CAMK1D: variants seen among roughly 807,000 people sequenced by gnomAD.
CAMK1D encodes calcium/calmodulin dependent protein kinase ID, also known as calcium/calmodulin-dependent protein kinase type 1D.
Under a neutral mutation model 47.7 loss-of-function variants are expected in CAMK1D, and 9 were observed. The observed-to-expected ratio is 0.19, with a 90% CI of 0.11 to 0.33. The LOEUF (loss-of-function observed/expected upper bound fraction) is 0.33. CAMK1D is among the 10% of genes least tolerant of loss of function. The pLI is 1.00. For missense variants in CAMK1D, 291 were observed against 488.7 expected (o/e 0.60, Z 3.81); for synonymous variants, 184 against 184.9 (o/e 0.99, Z 0.04).
chr10:12,487,673 C>G (rs1483345152), intron 1 of CAMK1D, among the ~76,000 whole-genome samples: 1 of 152,350 alleles, frequency 6.6e-6, no homozygotes, highest in African/African-American at 2.4e-5. Flanking sequence ...GGAATCACTT[C>G]TTGTGGATCC....
chr10:12,665,870 C>T (rs1426156226), intron 2 of CAMK1D, among the ~76,000 whole-genome samples: 1 of 152,258 alleles, frequency 6.6e-6, no homozygotes, highest in East Asian at 1.9e-4. Flanking sequence ...CCTGCTGACG[C>T]AGGGCCTGCA....
At chr10:12,827,472 GTCTTTCTT>G (rs1244927320) in intron 10 of CAMK1D, among the ~76,000 whole-genome samples, 245 of 5,096 alleles carry the variant, frequency 0.048, 70 homozygotes, top group Admixed American at 0.078. Context: ...TTGTCTGTCT[GTCTTTCTT>G]TCTTTCTTTC....
At position 12,541,087 on chromosome 10, in the gene CAMK1D, A is replaced by G. The variant is rs1171061171; in HGVS notation, c.93-12138A>G. 2.6e-5 allele frequency among the ~76,000 whole-genome samples: 4 copies of G among 152,318 alleles called. No homozygotes were observed. The South Asian group carries it at 6.2e-4, about 24-fold the overall frequency. On this transcript the variant is annotated intron_variant, in intron 1 of 10. Coordinates refer to ENST00000619168, the MANE Select transcript of CAMK1D (RefSeq NM_153498.4). Reference sequence around the variant, plus strand: ...ATTGGATATCCATTTTCTTGGATTCATATTTGTTCTTCAAGCCTGTGAAAG... The same window carrying G: ...ATTGGATATCCATTTTCTTGGATTCGTATTTGTTCTTCAAGCCTGTGAAAG...
intron 1 of CAMK1D, among the ~76,000 whole-genome samples, chr10:12,430,378 G>C (rs971526468): frequency 2.0e-5 from 3 of 152,196 alleles, no homozygotes; most frequent in African/African-American, 7.2e-5. Context: ...ACAGGTCTGT[G>C]GGTCCTTTGG....
At chr10:12,787,717 A>G (rs1837793779) in intron 5 of CAMK1D, among the ~76,000 whole-genome samples, 1 of 152,200 alleles carries the variant, frequency 6.6e-6, no homozygotes, top group African/African-American at 2.4e-5. Flanking sequence ...GAAGGTCACC[A>G]GAGGCCGGGC....
chr10:12,771,675 C>G (rs1365230144), intron 5 of CAMK1D, among the ~76,000 whole-genome samples: 1 of 152,156 alleles, frequency 6.6e-6, no homozygotes, highest in African/African-American at 2.4e-5. Context: ...CAGGGGGGCT[C>G]AATTCCCTGG....
chr10:12,350,046 C>T, intron 1 of CAMK1D, 136 bp downstream of exon 1: 5 of 339,686 alleles, frequency 1.5e-5, no homozygotes, highest in Non-Finnish European at 2.7e-5. Flanking sequence ...GTTCTCGGCG[C>T]TGCGGAGCCC....
intron 1 of CAMK1D, among the ~76,000 whole-genome samples, chr10:12,357,624 T>A (rs1837556379): frequency 6.6e-6 from 1 of 152,162 alleles, no homozygotes; most frequent in Non-Finnish European, 1.5e-5. Flanking sequence ...CCATTATGTT[T>A]CTTTAATTAA....
At chr10:12,567,868 C>T (rs1837172915) in intron 2 of CAMK1D, among the ~76,000 whole-genome samples, 1 of 152,060 alleles carries the variant, frequency 6.6e-6, no homozygotes, top group African/African-American at 2.4e-5. Context: ...GAGCTTGAAT[C>T]AGAATGGTCA....
At chr10:12,552,484 A>G (rs1836617745) in intron 1 of CAMK1D, among the ~76,000 whole-genome samples, 1 of 152,116 alleles carries the variant, frequency 6.6e-6, no homozygotes, top group Non-Finnish European at 1.5e-5. Context: ...TAGATGAAAA[A>G]GCCTGTGAGG....
chr10:12,656,427 G>A (rs182491091), intron 2 of CAMK1D, among the ~76,000 whole-genome samples: 13 of 152,314 alleles, frequency 8.5e-5, no homozygotes, highest in Admixed American at 8.5e-4. Context: ...GGGAGGCAGA[G>A]GTTGCAGTGA....
At chr10:12,769,994 AT>A (rs550224330) in intron 5 of CAMK1D, among the ~76,000 whole-genome samples, 195 bp downstream of exon 5, 25 of 152,354 alleles carry the variant, frequency 1.6e-4, no homozygotes, top group African/African-American at 6.0e-4. Flanking sequence ...CAGGGAAGTG[AT>A]TTCCCCTGAA....
intron 1 of CAMK1D, among the ~76,000 whole-genome samples, chr10:12,356,104 C>A (rs1837507089): frequency 6.6e-6 from 1 of 151,950 alleles, no homozygotes; most frequent in Non-Finnish European, 1.5e-5. Flanking sequence ...TGCACTCCAG[C>A]CTGGGCGACA....
chr10:12,766,277 C>G (rs1836754652), intron 4 of CAMK1D, among the ~76,000 whole-genome samples: 1 of 150,878 alleles, frequency 6.6e-6, no homozygotes, highest in African/African-American at 2.4e-5. Context: ...TCCCCCAGCC[C>G]TGGCCCCGTG....
At chr10:12,421,219 C>G (rs11257781) in intron 1 of CAMK1D, among the ~76,000 whole-genome samples, 3,324 of 152,304 alleles carry the variant, frequency 0.022, 49 homozygotes, top group South Asian at 0.041. Context: ...ATCCCTTTCT[C>G]TCAAGCTCAG....
At chr10:12,504,799 G>A (rs371688885) in intron 1 of CAMK1D, among the ~76,000 whole-genome samples, 4 of 152,206 alleles carry the variant, frequency 2.6e-5, no homozygotes, top group South Asian at 4.1e-4. Context: ...ACTACCTCCC[G>A]GGACGGGGCT....
chr10:12,560,644 T>C (rs1303831259), intron 2 of CAMK1D, among the ~76,000 whole-genome samples: 1 of 150,868 alleles, frequency 6.6e-6, no homozygotes, highest in African/African-American at 2.4e-5. Flanking sequence ...TGACTGAAAA[T>C]GGCTAAGCTG....
chr10:12,466,897 T>C (rs1833608315), intron 1 of CAMK1D, among the ~76,000 whole-genome samples: 1 of 152,012 alleles, frequency 6.6e-6, no homozygotes, highest in South Asian at 2.1e-4. Context: ...GTTTCAGGGA[T>C]TGTCGTAGCT....
At chr10:12,407,994 A>C (rs1020778730) in intron 1 of CAMK1D, among the ~76,000 whole-genome samples, 2 of 151,176 alleles carry the variant, frequency 1.3e-5, no homozygotes, top group Admixed American at 6.6e-5. Context: ...AGTAGCTGGG[A>C]TTACAGGTGT....
Sources: gnomAD v4.1 joint callset for allele counts (sites outside exome capture counted in the v4.1 genomes callset) on GRCh38, gnomAD v4.1.1 for gene constraint, MANE v1.5 for transcripts, NCBI Gene and HGNC (gene_info 2026-07-23, HGNC 2026-07-21) for gene names.